INTS7: variants seen among roughly 807,000 people sequenced by gnomAD.
INTS7 encodes chromosome 1 open reading frame 73.
Under a neutral mutation model 109.2 loss-of-function variants are expected in INTS7, and 46 were observed. That is an observed-to-expected ratio of 0.42 (90% CI 0.33 to 0.54). The LOEUF is 0.54. INTS7 is among the 20% of genes least tolerant of loss of function. The pLI, the probability that INTS7 is intolerant of heterozygous loss-of-function variation, is 0.07. For missense variants in INTS7, 929 were observed against 1,132.4 expected, an observed-to-expected ratio of 0.82 and a Z score of 2.58; for synonymous variants, 412 against 402.9, an observed-to-expected ratio of 1.02 and a Z score of -0.27.
Position 211,941,589 on chromosome 1 carries a change from C to T in INTS7, c.*235G>A, listed in dbSNP as rs1315474245. The T allele has an allele frequency of 7.4e-6, 4 of 538,692 alleles. No homozygotes were observed. Among genetic ancestry groups the T allele is most frequent in the Non-Finnish European group, 1.3e-5 (4 of 305,872 alleles). The allele number at this position is 538,692 out of a possible 1,614,324, so 33.4% of individuals were successfully genotyped here. ...TTAGCCAGGATGGTCTTGATCTCCT[C>T]GTGAGCCGCCCACCTCAGCCTCCCA... On this transcript the variant is annotated 3_prime_UTR_variant, in exon 20 of 20. Coordinates refer to ENST00000366994, the MANE Select transcript of INTS7 (RefSeq NM_015434.4).
intron 17 of INTS7, among the ~76,000 whole-genome samples, chr1:211,947,602 G>A (rs1662898990): frequency 6.6e-6 from 1 of 152,120 alleles, no homozygotes. Flanking sequence ...ACCCGATTCA[G>A]CAACGGATAA....
At chr1:211,988,483 G>A (rs1006222153) in intron 7 of INTS7, among the ~76,000 whole-genome samples, 1 of 151,368 alleles carries the variant, frequency 6.6e-6, no homozygotes, top group East Asian at 1.9e-4. Flanking sequence ...GGAGCCTCAG[G>A]AGGCAGGATA....
chr1:211,943,900 G>C (rs1261975206), intron 19 of INTS7, among the ~76,000 whole-genome samples: 1 of 152,116 alleles, frequency 6.6e-6, no homozygotes, highest in East Asian at 1.9e-4. Flanking sequence ...ATTTACTGTG[G>C]ATAAACCACC....
chr1:212,005,939 G>A (rs1461186827), intron 7 of INTS7, among the ~76,000 whole-genome samples: 1 of 152,052 alleles, frequency 6.6e-6, no homozygotes, highest in Non-Finnish European at 1.5e-5. Context: ...AAACACAGCA[G>A]TTTAGTTTTA....
chr1:211,973,414 G>A (rs991711224), intron 13 of INTS7, among the ~76,000 whole-genome samples: 9 of 152,130 alleles, frequency 5.9e-5, no homozygotes, highest in African/African-American at 2.2e-4. Context: ...TCATTGTATT[G>A]AGAAATTAAA....
chr1:211,980,080 A>G (rs1480757803), intron 10 of INTS7, among the ~76,000 whole-genome samples: 2 of 152,158 alleles, frequency 1.3e-5, no homozygotes, highest in Non-Finnish European at 2.9e-5. Flanking sequence ...TTGTTGGAAA[A>G]AAGATTTGCT....
intron 13 of INTS7, among the ~76,000 whole-genome samples, chr1:211,969,430 A>G (rs998149853): frequency 2.0e-5 from 3 of 152,042 alleles, no homozygotes; most frequent in Non-Finnish European, 2.9e-5. Flanking sequence ...CAGAAAGAAA[A>G]AGAAAGATAA....
At chr1:212,020,290 T>A (rs768619471) in intron 2 of INTS7, 22 bp from the exon 3 acceptor site, 1 of 1,440,152 alleles carries the variant, frequency 6.9e-7, no homozygotes, top group Non-Finnish European at 9.5e-7. Context: ...AGAAATAAAT[T>A]AGGTCACTTT....
chr1:211,950,284 T>C (rs1179302754), intron 17 of INTS7, among the ~76,000 whole-genome samples: 1 of 152,208 alleles, frequency 6.6e-6, no homozygotes, highest in Non-Finnish European at 1.5e-5. Context: ...CTTACTTATT[T>C]ATTTGAGATG....
At chr1:212,020,037 A>C in intron 3 of INTS7, 85 bp downstream of exon 3, 2 of 980,112 alleles carry the variant, frequency 2.0e-6, no homozygotes, top group South Asian at 5.9e-5. Context: ...AATACTCAAA[A>C]TGAAAAATGT....
chr1:212,000,431 A>C (rs1665613320), intron 7 of INTS7, among the ~76,000 whole-genome samples: 1 of 152,160 alleles, frequency 6.6e-6, no homozygotes, highest in African/African-American at 2.4e-5. Flanking sequence ...TATACTTCTT[A>C]ACCACTCCAG....
At position 211,946,658 on chromosome 1, in the gene INTS7, G is replaced by A. The variant is rs767119509; in HGVS notation, c.2364C>T (p.Pro788=). The part of the protein sequence containing the change: ...CNAIIALLKV[P]LSFQRYFFQK... ...GGAAAAAATATCTCTGGAAAGAAAG[G>A]GGAACTTTCAGCAAAGCAATGATGG... is the stretch of plus-strand genomic sequence containing the variant. Residue 788 remains proline, a synonymous_variant, in exon 18 of 20, where the codon CCC becomes CCT. Coordinates refer to ENST00000366994, the MANE Select transcript of INTS7 (RefSeq NM_015434.4). This position sits in a 1 kb window ranked among gnomAD's most constrained non-coding sequence, Gnocchi z 4.3. 6.2e-7 allele frequency: 1 copy of A among 1,613,464 alleles called. No individual in the cohort carries two copies. The highest frequency in any genetic ancestry group is 8.5e-7 in the Non-Finnish European group (1 of 1,179,618).
rs67430806 is a variant in INTS7 at position 211,974,267 on chromosome 1, G to GAA, written c.1815+897_1815+898dup. On this transcript the variant is annotated intron_variant, in intron 13 of 19. Transcript: ENST00000366994. ...TATAGGAAACAACAATCTCTTCCCAGAAAAAAAAAATATATATATATATAT... is the reference window on the plus strand; with the variant it reads ...TATAGGAAACAACAATCTCTTCCCAGAAAAAAAAAAAATATATATATATATAT... Among the ~76,000 whole-genome samples, 29 of 107,028 alleles carry GAA rather than the reference G, an allele frequency of 2.7e-4. 1 individual carries two copies. The highest frequency in any genetic ancestry group is 1.5e-3 in the East Asian group (6 of 3,928). 70.2% of individuals were successfully genotyped at this position (107,028 alleles called of 152,430 possible). A position where few individuals can be genotyped will look rare whatever the true frequency, so the allele number is the denominator to read the frequency against.
chr1:211,969,478 T>TA (rs933617512), intron 13 of INTS7, among the ~76,000 whole-genome samples: 28 of 149,596 alleles, frequency 1.9e-4, no homozygotes, highest in Non-Finnish European at 2.5e-4. Flanking sequence ...TCACTGTTTT[T>TA]AAAAAAAAAT....
At chr1:212,031,011 T>A (rs1488341412) in intron 1 of INTS7, 1 of 152,258 alleles carries the variant, frequency 6.6e-6, no homozygotes, top group Non-Finnish European at 1.5e-5. Context: ...TAACTAAATT[T>A]TTCATTAAGC....
Position 211,941,597 on chromosome 1 carries a change from G to T in INTS7, c.*227C>A. On this transcript the variant is annotated 3_prime_UTR_variant, in exon 20 of 20. Coordinates refer to ENST00000366994, the MANE Select transcript of INTS7 (RefSeq NM_015434.4). ...GATGGTCTTGATCTCCTCGTGAGCC[G>T]CCCACCTCAGCCTCCCAAAGTGCTG... The T allele has an allele frequency of 1.8e-6, 1 of 558,488 alleles. No individual in the cohort carries two copies. The highest frequency in any genetic ancestry group is 3.1e-6 in the Non-Finnish European group (1 of 319,618). 34.6% of individuals were successfully genotyped at this position (558,488 alleles called of 1,614,324 possible). A position where few individuals can be genotyped will look rare whatever the true frequency, so the allele number is the denominator to read the frequency against.
intron 1 of INTS7, among the ~76,000 whole-genome samples, chr1:212,033,008 C>T (rs796361538): frequency 6.6e-6 from 1 of 152,306 alleles, no homozygotes; most frequent in African/African-American, 2.4e-5. Context: ...CTAACTGTCA[C>T]GTTTGCTATA....
chr1:211,990,895 A>G (rs1665117828), intron 7 of INTS7, among the ~76,000 whole-genome samples: 1 of 152,222 alleles, frequency 6.6e-6, no homozygotes, highest in Non-Finnish European at 1.5e-5. Flanking sequence ...AATGGCATCT[A>G]AAGTGTTAGG....
chr1:211,960,328 G>A (rs1663559474), intron 16 of INTS7, among the ~76,000 whole-genome samples: 1 of 151,488 alleles, frequency 6.6e-6, no homozygotes, highest in South Asian at 2.1e-4. Flanking sequence ...TTCAAAGATC[G>A]AAGGACCATC....
Sources: gnomAD v4.1 joint callset for allele counts (sites outside exome capture counted in the v4.1 genomes callset) on GRCh38, gnomAD v4.1.1 for gene constraint, Gnocchi (gnomAD v3.1) non-coding constraint, MANE v1.5 for transcripts, NCBI Gene and HGNC (gene_info 2026-07-23, HGNC 2026-07-21) for gene names.